Variants in DPH6 observed in about 807,000 individuals in gnomAD.
DPH6 encodes diphthine--ammonia ligase.
DPH6 carries 33 observed loss-of-function variants against 38.2 expected under a neutral mutation model. The ratio of observed to expected loss-of-function variants is 0.86; its 90% CI spans 0.65 to 1.15. The LOEUF is 1.15. Among genes scored for constraint, DPH6 ranks in the 50% most tolerant of loss-of-function variants. The pLI, the probability that DPH6 is intolerant of heterozygous loss-of-function variation, is 0.00. For synonymous variants in DPH6, 108 were observed against 103.0 expected (o/e 1.05, Z -0.30); for missense variants, 325 against 320.0 (o/e 1.02, Z -0.12).
intron 5 of DPH6, among the ~76,000 whole-genome samples, chr15:35,426,859 G>A (rs1245597622): frequency 2.0e-5 from 3 of 149,706 alleles, no homozygotes; most frequent in Admixed American, 2.0e-4. Flanking sequence ...GAAATTTGTG[G>A]ATGGTTTAAA....
intron 3 of DPH6, among the ~76,000 whole-genome samples, chr15:35,231,932 TC>T (rs1454509984): frequency 6.6e-6 from 1 of 152,088 alleles, no homozygotes; most frequent in Non-Finnish European, 1.5e-5. Flanking sequence ...ACCAAGCTAT[TC>T]ATGAGCGATC....
intron 3 of DPH6, among the ~76,000 whole-genome samples, chr15:35,295,584 G>A (rs962727199): frequency 3.3e-5 from 5 of 152,016 alleles, no homozygotes; most frequent in Admixed American, 6.5e-5. Context: ...TCCACATCTA[G>A]GTAGATAATC....
At chr15:35,428,350 TTA>T (rs2053593847) in intron 5 of DPH6, among the ~76,000 whole-genome samples, 3 of 151,982 alleles carry the variant, frequency 2.0e-5, no homozygotes. Context: ...TGTTTTGAAA[TTA>T]TCTAATGGAG....
At chr15:35,310,084 C>T (rs1244035022) in intron 3 of DPH6, among the ~76,000 whole-genome samples, 1 of 152,168 alleles carries the variant, frequency 6.6e-6, no homozygotes, top group Non-Finnish European at 1.5e-5. Flanking sequence ...AAACCCAGAA[C>T]CCATTCCAGA....
At chr15:35,298,827 A>C (rs934360083) in intron 3 of DPH6, 24 of 1,075,878 alleles carry the variant, frequency 2.2e-5, no homozygotes, top group Middle Eastern at 5.3e-4. Context: ...CTGGGGGAGG[A>C]ATGGCAGTTT....
chr15:35,329,899 G>A (rs1203581577), downstream of DPH6, among the ~76,000 whole-genome samples: 2 of 152,114 alleles, frequency 1.3e-5, no homozygotes, highest in African/African-American at 4.8e-5. Flanking sequence ...GGACTGGTCA[G>A]TGACACAATC....
At chr15:35,350,159 C>T (rs2052497493) in intron 3 of DPH6, among the ~76,000 whole-genome samples, 1 of 152,098 alleles carries the variant, frequency 6.6e-6, no homozygotes, top group Admixed American at 6.5e-5. Context: ...TTTATTTCTT[C>T]ATGAGTCAGG....
intron 3 of DPH6, among the ~76,000 whole-genome samples, chr15:35,362,609 G>A (rs751649873): frequency 3.3e-5 from 5 of 152,182 alleles, no homozygotes; most frequent in African/African-American, 4.8e-5. Flanking sequence ...GACCCTGTCT[G>A]CACTCCAAGT....
chr15:35,334,115 A>G (rs756321413), intron 3 of DPH6, among the ~76,000 whole-genome samples: 10 of 152,068 alleles, frequency 6.6e-5, no homozygotes, highest in Non-Finnish European at 1.2e-4. Context: ...AAAGTCCTCT[A>G]AATTTGTATT....
At chr15:35,315,406 T>G (rs1386460486) in intron 3 of DPH6, among the ~76,000 whole-genome samples, 1 of 152,218 alleles carries the variant, frequency 6.6e-6, no homozygotes, top group East Asian at 1.9e-4. Flanking sequence ...TGGTTCCTAT[T>G]TTAATTAATA....
At chr15:35,372,385 C>T (rs570155494) in intron 8 of DPH6, 182 bp from the exon 9 acceptor site, 42 of 428,846 alleles carry the variant, frequency 9.8e-5, no homozygotes, top group African/African-American at 1.4e-4. Flanking sequence ...ACCAAAACAA[C>T]GAGGTGAACA....
At chr15:35,402,702 C>T (rs920002420) in intron 6 of DPH6, among the ~76,000 whole-genome samples, 1 of 151,944 alleles carries the variant, frequency 6.6e-6, no homozygotes, top group African/African-American at 2.4e-5. Context: ...GAAACAATGG[C>T]TAAAATTATT....
rs116074200 is a variant in DPH6, at chr15:35,442,873, G to C, written c.505+7812C>G. ...CATGGTGCTTAAAGCTGGGAGCAGT[G>C]GGGCAGGGGTTGGAGGCAACTTGAG... On this transcript the variant is annotated intron_variant, in intron 5 of 8. Coordinates refer to ENST00000256538, the MANE Select transcript of DPH6 (RefSeq NM_080650.4). Among the ~76,000 whole-genome samples the C allele has an allele frequency of 8.3e-3, 1,258 of 152,250 alleles. 19 individuals carry two copies. Among genetic ancestry groups the C allele is most frequent in the African/African-American group, 0.029 (1,202 of 41,534 alleles).
At chr15:35,313,186 T>C (rs1219028880) in intron 3 of DPH6, among the ~76,000 whole-genome samples, 1 of 151,750 alleles carries the variant, frequency 6.6e-6, no homozygotes, top group African/African-American at 2.4e-5. Flanking sequence ...TGAGGTGAGA[T>C]CACACCACTA....
intron 3 of DPH6, among the ~76,000 whole-genome samples, chr15:35,526,312 C>T (rs988954091): frequency 6.6e-6 from 1 of 152,128 alleles, no homozygotes; most frequent in Non-Finnish European, 1.5e-5. Context: ...GCAAATTCTG[C>T]ACAAGAAAGA....
At chr15:35,304,131 T>C (rs369799332) in intron 3 of DPH6, among the ~76,000 whole-genome samples, 208 of 152,266 alleles carry the variant, frequency 1.4e-3, no homozygotes, top group Middle Eastern at 0.014. Context: ...TATATTTATC[T>C]GATTATCTAA....
intron 3 of DPH6, chr15:35,237,556 G>A (rs745595671): frequency 5.2e-6 from 8 of 1,550,538 alleles, no homozygotes; most frequent in Non-Finnish European, 6.2e-6. Flanking sequence ...ACAGAGTCTC[G>A]GGGGGCGTGG....
chr15:35,366,150 C>T (rs374727390), downstream of DPH6, among the ~76,000 whole-genome samples: 5 of 151,750 alleles, frequency 3.3e-5, no homozygotes, highest in African/African-American at 4.8e-5. Flanking sequence ...AGTTTATACA[C>T]GTTGCTATGA....
At position 35,532,735 on chromosome 15, in the gene DPH6, T is replaced by C. The variant is rs182935283; in HGVS notation, c.312+5539A>G. Among the ~76,000 whole-genome samples the C allele has an allele frequency of 1.7e-3, 259 of 151,922 alleles. 3 individuals are homozygous for C. Among genetic ancestry groups the C allele is most frequent in the Admixed American group, 0.015 (228 of 15,240 alleles). On this transcript the variant is annotated intron_variant, in intron 3 of 8. Coordinates refer to ENST00000256538, the MANE Select transcript of DPH6 (RefSeq NM_080650.4). ...TATAAGCTCACTGCTTTAGCCCCAATGTCCAACTGTTTTTTAAAGAGGAGG... is the reference window on the plus strand; with the variant it reads ...TATAAGCTCACTGCTTTAGCCCCAACGTCCAACTGTTTTTTAAAGAGGAGG...
Sources: gnomAD v4.1 joint callset for allele counts (sites outside exome capture counted in the v4.1 genomes callset) on GRCh38, gnomAD v4.1.1 for gene constraint, MANE v1.5 for transcripts, NCBI Gene and HGNC (gene_info 2026-07-23, HGNC 2026-07-21) for gene names.